The following GABRA1 variants were observed in gnomAD, a reference collection of about 807,000 sequenced individuals.
GABRA1 encodes the protein gamma-aminobutyric acid type A receptor subunit alpha1.
In GABRA1, 9 loss-of-function variants were observed where a neutral mutation model predicts 48.9. That is an observed-to-expected ratio of 0.18 (90% CI 0.11 to 0.32). GABRA1 has a LOEUF of 0.32. Ranked by LOEUF, GABRA1 falls within the 10% of genes least tolerant of loss-of-function variation. The pLI, the probability that GABRA1 is intolerant of heterozygous loss-of-function variation, is 1.00. For missense variants in GABRA1, 285 were observed against 553.8 expected (o/e 0.51, Z 4.87); for synonymous variants, 210 against 198.7 (o/e 1.06, Z -0.48).
At chr5:161,895,559 T>G in intron 8 of GABRA1, 107 bp from the exon 9 acceptor site, 1 of 1,021,796 alleles carries the variant, frequency 9.8e-7, no homozygotes, top group South Asian at 1.4e-5. Flanking sequence ...AGAAACCACA[T>G]TCTGTCATGA....
In GABRA1 at chr5:161,860,091, G is replaced by A. The variant is rs753598179; in HGVS notation, c.188-5630G>A. Among the ~76,000 whole-genome samples the A allele has an allele frequency of 6.5e-4, 98 of 151,836 alleles. 1 individual carries two copies. The highest frequency in any genetic ancestry group is 5.2e-4 in the Non-Finnish European group (35 of 67,822). ...TAATTCAACAAATTATAGAGAAAAG[G>A]TAGTTACCAAAACCCCAAGAAGAAT... is the stretch of plus-strand genomic sequence containing the variant. On this transcript the variant is annotated intron_variant, in intron 3 of 9. Transcript: ENST00000393943.
At chr5:161,885,780 G>A (rs1754818075) in intron 7 of GABRA1, among the ~76,000 whole-genome samples, 1 of 152,144 alleles carries the variant, frequency 6.6e-6, no homozygotes, top group Admixed American at 6.6e-5. Flanking sequence ...ACTGGACAGA[G>A]TATATGGCAG....
At chr5:161,863,936 T>C (rs1012403839) in intron 3 of GABRA1, among the ~76,000 whole-genome samples, 4 of 151,904 alleles carry the variant, frequency 2.6e-5, no homozygotes, top group Non-Finnish European at 2.9e-5. Flanking sequence ...TTTTCAACAG[T>C]GTTAGAAAAT....
chr5:161,897,559 G>T lies in GABRA1; in HGVS notation c.*137G>T. ...TTCCTTATTTTCATAATTCATTTAA[G>T]AACAAGAGACCCCTGTCTGGCAGTC... On this transcript the variant is annotated 3_prime_UTR_variant, in exon 10 of 10. Coordinates refer to ENST00000393943, the MANE Select transcript of GABRA1 (RefSeq NM_001127644.2). The T allele has an allele frequency of 8.1e-6, 7 of 868,748 alleles. No homozygotes were observed. Among genetic ancestry groups the T allele is most frequent in the South Asian group, 3.2e-5 (2 of 62,818 alleles). 53.8% of individuals were successfully genotyped at this position (868,748 alleles called of 1,614,324 possible). A position where few individuals can be genotyped will look rare whatever the true frequency, so the allele number is the denominator to read the frequency against.
intron 7 of GABRA1, among the ~76,000 whole-genome samples, chr5:161,883,889 T>A (rs80249395): frequency 0.15 from 22,071 of 151,892 alleles, 1,842 homozygotes; most frequent in East Asian, 0.27. Flanking sequence ...TATTTTTTTT[T>A]TAAAAAATGG....
intron 7 of GABRA1, among the ~76,000 whole-genome samples, chr5:161,888,496 T>C (rs1478483536): frequency 6.6e-6 from 1 of 152,124 alleles, no homozygotes; most frequent in African/African-American, 2.4e-5. Context: ...TATATTCTTT[T>C]CAGGATCTTT....
chr5:161,851,913 A>C (rs1757460416), intron 2 of GABRA1, among the ~76,000 whole-genome samples: 1 of 152,150 alleles, frequency 6.6e-6, no homozygotes, highest in African/African-American at 2.4e-5. Flanking sequence ...GTTAGTGCAC[A>C]GTGTTTTATT....
chr5:161,869,858 C>G (rs1340502731), intron 4 of GABRA1, among the ~76,000 whole-genome samples: 1 of 152,130 alleles, frequency 6.6e-6, no homozygotes, highest in Non-Finnish European at 1.5e-5. Context: ...ACGGAGTCCC[C>G]TCTTCTGCAT....
intron 2 of GABRA1, among the ~76,000 whole-genome samples, chr5:161,852,700 G>C (rs930591302): frequency 6.6e-6 from 1 of 151,812 alleles, no homozygotes; most frequent in Admixed American, 6.6e-5. Context: ...CAATCTGCAT[G>C]GCATCAATGT....
chr5:161,853,890 C>G (rs140403663), intron 2 of GABRA1, among the ~76,000 whole-genome samples: 1 of 151,402 alleles, frequency 6.6e-6, no homozygotes, highest in Non-Finnish European at 1.5e-5. Context: ...TGCATTGCAA[C>G]GTAATAAACA....
chr5:161,896,477 A>G (rs1291359602), intron 9 of GABRA1, among the ~76,000 whole-genome samples: 1 of 152,202 alleles, frequency 6.6e-6, no homozygotes, highest in Non-Finnish European at 1.5e-5. Context: ...TCTCTCAATT[A>G]GAACCTATTA....
At chr5:161,869,512 G>T (rs1001083678) in intron 4 of GABRA1, among the ~76,000 whole-genome samples, 2 of 152,078 alleles carry the variant, frequency 1.3e-5, no homozygotes, top group Non-Finnish European at 2.9e-5. Flanking sequence ...CCATTAATTG[G>T]CAATCAAACA....
chr5:161,899,222 C>T lies in GABRA1; in HGVS notation c.*1800C>T, dbSNP rs1755508673. 1 of 152,488 alleles carries T rather than the reference C, an allele frequency of 6.6e-6. No individual in the cohort carries two copies. Among genetic ancestry groups the T allele is most frequent in the Non-Finnish European group, 1.5e-5 (1 of 67,966 alleles). 9.4% of individuals were successfully genotyped at this position (152,488 alleles called of 1,614,324 possible). A position where few individuals can be genotyped will look rare whatever the true frequency, so the allele number is the denominator to read the frequency against. ...ATGTTTTTCTCAAAAAGCTGCTATC[C>T]AATGATATAGGAAAATACATTGTGT... On this transcript the variant is annotated 3_prime_UTR_variant, in exon 10 of 10. Transcript: ENST00000393943.
intron 7 of GABRA1, among the ~76,000 whole-genome samples, chr5:161,885,991 A>G (rs1477787478): frequency 6.6e-6 from 1 of 152,192 alleles, no homozygotes; most frequent in Non-Finnish European, 1.5e-5. Context: ...TAAATAGCTA[A>G]CATGCATTGG....
chr5:161,888,336 AG>A (rs1402499346), intron 7 of GABRA1, among the ~76,000 whole-genome samples: 4 of 152,190 alleles, frequency 2.6e-5, no homozygotes, highest in African/African-American at 9.6e-5. Flanking sequence ...CTTATTTGAA[AG>A]TTTGTGCCAA....
chr5:161,857,007 C>A (rs1224024414), intron 3 of GABRA1, among the ~76,000 whole-genome samples: 2 of 150,816 alleles, frequency 1.3e-5, no homozygotes, highest in Non-Finnish European at 3.0e-5. Context: ...GACATGCATC[C>A]CAGTAGATCC....
intron 6 of GABRA1, among the ~76,000 whole-genome samples, chr5:161,880,869 A>T (rs539458384): frequency 6.6e-6 from 1 of 152,266 alleles, no homozygotes; most frequent in South Asian, 2.1e-4. Context: ...TCTGGGGAAA[A>T]TGTGTATTGG....
chr5:161,881,652 A>T (rs1754618650), intron 6 of GABRA1: 1 of 152,066 alleles, frequency 6.6e-6, no homozygotes, highest in African/African-American at 2.4e-5. Flanking sequence ...ATTTAACATG[A>T]CCTTTTCCTG....
chr5:161,872,503 T>G (rs940858939), intron 4 of GABRA1, among the ~76,000 whole-genome samples: 2 of 148,624 alleles, frequency 1.3e-5, no homozygotes. Context: ...AGGATTCAAA[T>G]TACCAGTAGA....
Sources: allele counts gnomAD v4.1 joint callset (sites outside exome capture counted in the v4.1 genomes callset), GRCh38; gene constraint gnomAD v4.1.1; transcripts MANE v1.5; gene names NCBI Gene and HGNC (gene_info 2026-07-23, HGNC 2026-07-21).